Variants in ACAA2 observed in about 807,000 individuals in gnomAD.
ACAA2 encodes the protein acetyl-CoA acyltransferase 2.
Under a neutral mutation model 44.8 loss-of-function variants are expected in ACAA2, and 35 were observed. That is an observed-to-expected ratio of 0.78 (90% confidence interval 0.60 to 1.04). The LOEUF (loss-of-function observed/expected upper bound fraction) is 1.04. Ranked by LOEUF, ACAA2 falls within the 50% of genes least tolerant of loss-of-function variation. The pLI, the probability that ACAA2 is intolerant of heterozygous loss-of-function variation, is 0.00. For missense variants in ACAA2, 468 were observed against 482.6 expected, an observed-to-expected ratio of 0.97 and a Z score of 0.28; for synonymous variants, 142 against 166.5, an observed-to-expected ratio of 0.85 and a Z score of 1.13.
chr18:49,791,793 G>A (rs2023402960), intron 6 of ACAA2, among the ~76,000 whole-genome samples, 194 bp from the exon 7 acceptor site: 1 of 151,962 alleles, frequency 6.6e-6, no homozygotes, highest in South Asian at 2.1e-4. Flanking sequence ...CTTTACTAAA[G>A]AACAAGGAAA....
At chr18:49,808,983 C>T (rs994189434) in intron 1 of ACAA2, among the ~76,000 whole-genome samples, 8 of 152,062 alleles carry the variant, frequency 5.3e-5, no homozygotes, top group Admixed American at 2.0e-4. Flanking sequence ...TTATCTCAAC[C>T]GCATAAGACA....
At chr18:49,800,890 TAAAAAAA>T (rs5824805) in intron 2 of ACAA2, among the ~76,000 whole-genome samples, 1 of 121,126 alleles carries the variant, frequency 8.3e-6, no homozygotes, top group East Asian at 2.5e-4. Context: ...GAATGATCAA[TAAAAAAA>T]AAAAAAAAAA....
intron 8 of ACAA2, chr18:49,786,280 A>C (rs1436303207): frequency 6.6e-6 from 1 of 152,206 alleles, no homozygotes; most frequent in Admixed American, 6.5e-5. Flanking sequence ...TAGGCTTTTG[A>C]ACCTAGGAAA....
At position 49,797,668 on chromosome 18, in the gene ACAA2, G is replaced by T. The variant is rs2023480806; in HGVS notation, c.184-74C>A. 12 of 1,276,006 alleles carry T rather than the reference G, an allele frequency of 9.4e-6. No individual in the cohort carries two copies. The South Asian group carries it at 1.7e-4, about 19-fold the overall frequency. 79.0% of individuals were successfully genotyped at this position (1,276,006 alleles called of 1,614,324 possible). A position where few individuals can be genotyped will look rare whatever the true frequency, so the allele number is the denominator to read the frequency against. ...ATTAAGAACAAGCACGAAATACATG[G>T]AAATGTTGGCAATCTATCAAAAATG... is the stretch of plus-strand genomic sequence containing the variant. On this transcript the variant is annotated intron_variant, in intron 2 of 9. Transcript: ENST00000285093.
intron 1 of ACAA2, chr18:49,811,514 GTTC>G (rs1850325383): frequency 6.6e-6 from 1 of 152,254 alleles, no homozygotes; most frequent in East Asian, 1.9e-4. Context: ...CTAGGAGCCG[GTTC>G]TTCTTGTTGA....
chr18:49,811,776 G>A (rs1486330953), intron 1 of ACAA2, among the ~76,000 whole-genome samples: 1 of 152,024 alleles, frequency 6.6e-6, no homozygotes, highest in Non-Finnish European at 1.5e-5. Flanking sequence ...TACCTCTCTC[G>A]ACATGAGTGT....
rs2023399695 is a variant in ACAA2 at position 49,791,557 on chromosome 18, C to T, written c.796G>A (p.Asp266Asn). Residue 266 changes from aspartate (D) to asparagine (N), a missense_variant, in exon 7 of 10, where the codon GAT (aspartate) becomes AAT (asparagine). By Grantham distance (23) the Asp-to-Asn change is conservative. Transcript: ENST00000285093. Reference sequence around the variant, plus strand: ...GTGAAGTTATGTTTCTTAACAGCATCTTCACTAGCTATGATAACAGCTCCA... The same window carrying T: ...GTGAAGTTATGTTTCTTAACAGCATTTTCACTAGCTATGATAACAGCTCCA... The part of the protein sequence containing the change: ...GAGAVIIASE[D>N]AVKKHNFTPL... 3 of 1,613,208 alleles carry T rather than the reference C, an allele frequency of 1.9e-6. No homozygotes were observed. Among genetic ancestry groups the T allele is most frequent in the Non-Finnish European group, 2.5e-6 (3 of 1,179,864 alleles).
At chr18:49,791,700 G>A (rs1268493799) in intron 6 of ACAA2, 101 bp from the exon 7 acceptor site, 1 of 1,198,450 alleles carries the variant, frequency 8.3e-7, no homozygotes, top group Non-Finnish European at 1.2e-6. Context: ...GCAGTACATA[G>A]GAAGCCAGTG....
At chr18:49,797,746 A>G in intron 2 of ACAA2, 152 bp from the exon 3 acceptor site, 1 of 553,924 alleles carries the variant, frequency 1.8e-6, no homozygotes, top group East Asian at 3.3e-5. Context: ...ACAGCATATT[A>G]TATCTAATAT....
chr18:49,787,268 A>AAAAC lies in ACAA2; in HGVS notation c.954+22_954+23insGTTT, dbSNP rs1555789751. ...TGGTTTATTCATGTTGTTAAAAAAA[A>AAAAC]AAAAAAAAAAAAAAACACTTACCTC... is the stretch of plus-strand genomic sequence containing the variant. On this transcript the variant is annotated intron_variant, in intron 8 of 9. Transcript: ENST00000285093. The AAAAC allele has an allele frequency of 2.1e-6, 3 of 1,429,074 alleles. No homozygotes were observed. In the East Asian group the frequency reaches 8.2e-5, roughly 39 times the overall value. 88.5% of individuals were successfully genotyped at this position (1,429,074 alleles called of 1,614,324 possible).
At chr18:49,791,297 T>G (rs1445849984) in intron 7 of ACAA2, among the ~76,000 whole-genome samples, 173 bp downstream of exon 7, 1 of 152,148 alleles carries the variant, frequency 6.6e-6, no homozygotes, top group Non-Finnish European at 1.5e-5. Flanking sequence ...CGGTCTTGGT[T>G]TTTCTATTGT....
In ACAA2 at chr18:49,787,283, A is replaced by AAAAAAATTAC; in HGVS notation, c.954+7_954+8insGTAATTTTTT. On this transcript the variant is annotated splice_region_variant and intron_variant, in intron 8 of 9. Transcript: ENST00000285093. ...GTTAAAAAAAAAAAAAAAAAAAAAA[A>AAAAAAATTAC]CACTTACCTCTACCAAATCCATGTC... 1.4e-6 allele frequency: 2 copies of AAAAAAATTAC among 1,454,254 alleles called. No homozygotes were observed. The highest frequency in any genetic ancestry group is 1.8e-6 in the Non-Finnish European group (2 of 1,109,786). 90.1% of individuals were successfully genotyped at this position (1,454,254 alleles called of 1,614,324 possible).
At chr18:49,794,800 T>C (rs1200456244) in intron 4 of ACAA2, among the ~76,000 whole-genome samples, 2 of 152,334 alleles carry the variant, frequency 1.3e-5, no homozygotes, top group East Asian at 3.9e-4. Context: ...CTTATAGCCA[T>C]CTTTGTAAAC....
At chr18:49,806,289 G>A (rs767261416) in intron 1 of ACAA2, among the ~76,000 whole-genome samples, 68 of 152,238 alleles carry the variant, frequency 4.5e-4, no homozygotes, top group Middle Eastern at 3.4e-3. Context: ...TGGGAAAGAG[G>A]AGCACCATAG....
rs1268979036 is a variant in ACAA2 at position 49,802,859 on chromosome 18, G to T, written c.17-6C>A. Reference sequence around the variant, plus strand: ...AGCAGCAACTACAAACACACCTATTGCAACAAGAAGAGATTTGTAAGCCAT... The same window carrying T: ...AGCAGCAACTACAAACACACCTATTTCAACAAGAAGAGATTTGTAAGCCAT... On this transcript the variant is annotated splice_polypyrimidine_tract_variant and splice_region_variant and intron_variant, in intron 1 of 9. Coordinates refer to ENST00000285093, the MANE Select transcript of ACAA2 (RefSeq NM_006111.3). 1.9e-6 allele frequency: 3 copies of T among 1,613,836 alleles called. No homozygotes were observed.
intron 1 of ACAA2, among the ~76,000 whole-genome samples, chr18:49,803,976 T>C (rs867622322): frequency 6.6e-6 from 1 of 151,720 alleles, no homozygotes; most frequent in South Asian, 2.1e-4. Context: ...AGTGGCGCGA[T>C]TTCGGCTCAC....
intron 5 of ACAA2, 22 bp downstream of exon 5, chr18:49,794,258 G>A (rs2023439268): frequency 2.5e-6 from 4 of 1,578,736 alleles, no homozygotes; most frequent in African/African-American, 1.4e-5. Context: ...TATAGATACT[G>A]ATACTTTCCA....
chr18:49,791,397 C>T (rs529556), intron 7 of ACAA2, 73 bp downstream of exon 7: 784,168 of 1,502,154 alleles, frequency 0.52, 210,353 homozygotes, highest in Middle Eastern at 0.61. Context: ...GCCACTTTTT[C>T]AGGACTCTGA....
intron 1 of ACAA2, among the ~76,000 whole-genome samples, chr18:49,809,242 T>C (rs2023642600): frequency 6.6e-6 from 1 of 152,242 alleles, no homozygotes; most frequent in Non-Finnish European, 1.5e-5. Flanking sequence ...ACTGATTTCA[T>C]ATTGCTCAAA....
Sources: gnomAD v4.1 joint callset for allele counts (sites outside exome capture counted in the v4.1 genomes callset) on GRCh38, gnomAD v4.1.1 for gene constraint, MANE v1.5 for transcripts, NCBI Gene and HGNC (gene_info 2026-07-23, HGNC 2026-07-21) for gene names.